The following SCEL variants were observed in gnomAD, a reference collection of about 807,000 sequenced individuals.
SCEL encodes sciellin.
SCEL carries 113 observed loss-of-function variants against 117.6 expected under a neutral mutation model. The ratio of observed to expected loss-of-function variants is 0.96; its 90% CI spans 0.83 to 1.12. The LOEUF is 1.12. Ranked by LOEUF, SCEL falls within the 50% of genes most tolerant of loss-of-function variation. The pLI is 0.00. For missense variants in SCEL, 785 were observed against 810.8 expected (o/e 0.97, Z 0.39); for synonymous variants, 270 against 256.2 (o/e 1.05, Z -0.51).
intron 19 of SCEL, 99 bp downstream of exon 19, chr13:77,604,514 C>A: frequency 1.1e-6 from 1 of 879,124 alleles, no homozygotes; most frequent in Non-Finnish European, 1.7e-6. Flanking sequence ...GGAATTCAGG[C>A]CAAAACAAAC....
intron 31 of SCEL, among the ~76,000 whole-genome samples, chr13:77,641,676 C>A (rs2090563259): frequency 6.6e-6 from 1 of 152,122 alleles, no homozygotes; most frequent in African/African-American, 2.4e-5. Context: ...AATGTACAGT[C>A]AGTTGGAGAA....
chr13:77,624,269 C>T (rs957600270), intron 27 of SCEL, among the ~76,000 whole-genome samples: 1 of 151,942 alleles, frequency 6.6e-6, no homozygotes, highest in African/African-American at 2.4e-5. Context: ...CCACGCTCAG[C>T]TAATTTTTGT....
rs571276801 is a variant in SCEL at position 77,574,583 on chromosome 13, G to A, written c.545+2394G>A. ...TTTTGAAGTGATTTTCTTTGGAAGA[G>A]CTCAAAGTACAGCTTCTGTTTCTCA... is the stretch of plus-strand genomic sequence containing the variant. On this transcript the variant is annotated intron_variant, in intron 9 of 32. Coordinates refer to ENST00000349847, the MANE Select transcript of SCEL (RefSeq NM_144777.3). Among the ~76,000 whole-genome samples, 17 of 152,300 alleles carry A rather than the reference G, an allele frequency of 1.1e-4. No individual in the cohort carries two copies. In the East Asian group the frequency reaches 3.3e-3, roughly 29 times the overall value.
chr13:77,600,039 C>T (rs1453111927), intron 15 of SCEL: 3 of 370,448 alleles, frequency 8.1e-6, no homozygotes, highest in Non-Finnish European at 9.9e-6. Context: ...GAAAGAAACA[C>T]AACTAGCTGT....
intron 9 of SCEL, among the ~76,000 whole-genome samples, chr13:77,582,257 C>T (rs1210297660): frequency 6.6e-5 from 10 of 152,258 alleles, no homozygotes; most frequent in Admixed American, 3.3e-4. Flanking sequence ...AATGGAGTCT[C>T]ACTCTGTTGC....
rs566622023 is a variant in SCEL at position 77,604,558 on chromosome 13, G to T, written c.1157+143G>T. The T allele has an allele frequency of 4.4e-5, 26 of 588,926 alleles. No homozygotes were observed. The South Asian group carries it at 8.8e-4, about 20-fold the overall frequency. The allele number at this position is 588,926 out of a possible 1,614,324, so 36.5% of individuals were successfully genotyped here. Reference sequence around the variant, plus strand: ...TTTTTCTCTAAACACTTCATAGTAAGTAATTCTGTGCAAGTGATACACCTA... The same window carrying T: ...TTTTTCTCTAAACACTTCATAGTAATTAATTCTGTGCAAGTGATACACCTA... On this transcript the variant is annotated intron_variant, in intron 19 of 32. Coordinates refer to ENST00000349847, the MANE Select transcript of SCEL (RefSeq NM_144777.3).
At chr13:77,592,300 A>G (rs2086917359) in intron 11 of SCEL, among the ~76,000 whole-genome samples, 1 of 152,122 alleles carries the variant, frequency 6.6e-6, no homozygotes, top group Non-Finnish European at 1.5e-5. Context: ...GCATTCCCCA[A>G]CCTGTGTTCT....
At chr13:77,583,743 G>A (rs1192369239) in intron 9 of SCEL, among the ~76,000 whole-genome samples, 1 of 152,152 alleles carries the variant, frequency 6.6e-6, no homozygotes, top group Non-Finnish European at 1.5e-5. Flanking sequence ...TTAAATATTA[G>A]AGACAATGAT....
At chr13:77,642,950 T>G (rs1567456790) in intron 32 of SCEL, 142 bp downstream of exon 32, 5 of 486,416 alleles carry the variant, frequency 1.0e-5, no homozygotes, top group African/African-American at 5.9e-5. Flanking sequence ...ATTTATACTA[T>G]GGTAGTATTT....
At chr13:77,571,336 G>A (rs1469943880) in intron 8 of SCEL, among the ~76,000 whole-genome samples, 6 of 144,964 alleles carry the variant, frequency 4.1e-5, no homozygotes, top group African/African-American at 1.3e-4. Flanking sequence ...AGCCGAGATC[G>A]CGCCACTGCA....
chr13:77,556,593 TAG>T lies in SCEL; in HGVS notation c.45_46del. 1 of 1,610,780 alleles carries T rather than the reference TAG, an allele frequency of 6.2e-7. No homozygotes were observed. ...TTCCAGTCTTTCATGTTTCTGTTGATAGAGATGAAGAGCACCACTCAGGGAAC... is the reference window on the plus strand; with the variant it reads ...TTCCAGTCTTTCATGTTTCTGTTGATAGATGAAGAGCACCACTCAGGGAAC... On this transcript the variant is annotated splice_acceptor_variant, in intron 2 of 32. Coordinates refer to ENST00000349847, the MANE Select transcript of SCEL (RefSeq NM_144777.3). LOFTEE classifies it high-confidence loss of function.
chr13:77,563,686 G>A, intron 4 of SCEL, 145 bp from the exon 5 acceptor site: 3 of 553,522 alleles, frequency 5.4e-6, no homozygotes, highest in Non-Finnish European at 9.3e-6. Flanking sequence ...GAAGATTTGG[G>A]TATTAGAAAT....
At chr13:77,600,152 C>T (rs1326967289) in intron 15 of SCEL, 1 of 159,152 alleles carries the variant, frequency 6.3e-6, no homozygotes, top group Non-Finnish European at 1.4e-5. Context: ...CTCTTTCTCT[C>T]TTTTTCTTTT....
chr13:77,595,299 T>C (rs1423237567), intron 12 of SCEL, among the ~76,000 whole-genome samples: 1 of 152,170 alleles, frequency 6.6e-6, no homozygotes, highest in African/African-American at 2.4e-5. Flanking sequence ...CTTTGGACCA[T>C]CCACAGGGAG....
chr13:77,629,805 T>A (rs961736210), intron 28 of SCEL, among the ~76,000 whole-genome samples: 1 of 152,130 alleles, frequency 6.6e-6, no homozygotes, highest in African/African-American at 2.4e-5. Flanking sequence ...TGGACAAAAA[T>A]AATATGACCT....
chr13:77,551,935 A>C (rs138152696), intron 1 of SCEL, among the ~76,000 whole-genome samples: 17,116 of 145,548 alleles, frequency 0.12, 1,068 homozygotes, highest in Non-Finnish European at 0.15. Flanking sequence ...ATGAGTGAGA[A>C]TATGCGGTGT....
chr13:77,642,488 GT>G (rs1338113273), intron 31 of SCEL, among the ~76,000 whole-genome samples: 4 of 152,232 alleles, frequency 2.6e-5, no homozygotes, highest in Non-Finnish European at 2.9e-5. Flanking sequence ...GCACCTTTGT[GT>G]TTTTTTGTTT....
chr13:77,599,731 A>G lies in SCEL; in HGVS notation c.900A>G (p.Thr300=). The G allele has an allele frequency of 6.2e-7, 1 of 1,611,098 alleles. No individual in the cohort carries two copies. Among genetic ancestry groups the G allele is most frequent in the Non-Finnish European group, 8.5e-7 (1 of 1,177,178 alleles). ...LESLIYMSTR[T]DKDGKGIQSL... is the part of the protein sequence containing the mutation. Reference sequence around the variant, plus strand: ...GTCTCATCTATATGAGTACCCGGACAGATAAAGATGGCAAAGGGTAAGATT... The same window carrying G: ...GTCTCATCTATATGAGTACCCGGACGGATAAAGATGGCAAAGGGTAAGATT... The change falls in exon 15 of 33, where the codon ACA becomes ACG. Residue 300 remains threonine (T), a synonymous_variant. Coordinates refer to ENST00000349847, the MANE Select transcript of SCEL (RefSeq NM_144777.3).
intron 29 of SCEL, among the ~76,000 whole-genome samples, chr13:77,636,561 C>T (rs1485889672): frequency 6.6e-6 from 1 of 152,096 alleles, no homozygotes; most frequent in East Asian, 1.9e-4. Context: ...TTATTTGTCT[C>T]CAGGAAATAG....
Sources: gnomAD v4.1 joint callset for allele counts (sites outside exome capture counted in the v4.1 genomes callset) on GRCh38, gnomAD v4.1.1 for gene constraint, MANE v1.5 for transcripts, NCBI Gene and HGNC (gene_info 2026-07-23, HGNC 2026-07-21) for gene names.